Variants in TLK1 observed in about 807,000 individuals in gnomAD.
The protein encoded by TLK1 is serine/threonine-protein kinase tousled-like 1.
A neutral mutation model predicts 105.3 loss-of-function variants in TLK1; 24 were observed. That is an observed-to-expected ratio of 0.23 (90% CI 0.17 to 0.32). TLK1 has a LOEUF of 0.32. Ranked by LOEUF, TLK1 falls within the 10% of genes least tolerant of loss-of-function variation. The pLI is 1.00. For synonymous variants in TLK1, 321 were observed against 310.4 expected (o/e 1.03, Z -0.36); for missense variants, 558 against 910.5 (o/e 0.61, Z 4.98).
intron 1 of TLK1, among the ~76,000 whole-genome samples, chr2:171,134,498 G>C (rs1233432845): frequency 6.6e-6 from 1 of 152,106 alleles, no homozygotes; most frequent in East Asian, 1.9e-4. Context: ...TTTCTCCAGA[G>C]ATGATATATA....
At chr2:171,054,931 A>T in intron 7 of TLK1, 152 bp downstream of exon 7, 1 of 421,594 alleles carries the variant, frequency 2.4e-6, no homozygotes, top group Non-Finnish European at 4.2e-6. Context: ...TCCTTCCTAC[A>T]AATTCTGTTG....
intron 18 of TLK1, among the ~76,000 whole-genome samples, chr2:171,003,273 C>CAAAAAAAAAAAAAAAAAAAA (rs777049271): frequency 1.5e-5 from 1 of 68,506 alleles, no homozygotes; most frequent in African/African-American, 8.2e-5. Flanking sequence ...GACTCCGTCT[C>CAAAAAAAAAAAAAAAAAAAA]AAAAAAAAAA....
chr2:171,140,534 C>G (rs932191860), intron 1 of TLK1, among the ~76,000 whole-genome samples: 1 of 152,156 alleles, frequency 6.6e-6, no homozygotes, highest in African/African-American at 2.4e-5. Context: ...TGAGCCTCCC[C>G]CAAACTCTGG....
upstream of TLK1, among the ~76,000 whole-genome samples, chr2:171,163,872 C>T (rs1692559454): frequency 6.6e-6 from 1 of 151,996 alleles, no homozygotes; most frequent in African/African-American, 2.4e-5. Flanking sequence ...ACTGCAGATG[C>T]CTATCACAAT....
intron 1 of TLK1, among the ~76,000 whole-genome samples, chr2:171,197,288 A>G (rs573589356): frequency 4.1e-4 from 62 of 152,338 alleles, no homozygotes; most frequent in African/African-American, 1.5e-3. Context: ...TTATTTAAAA[A>G]TGAGAGAGAA....
chr2:171,043,284 TAACTAC>T lies in TLK1; in HGVS notation c.1169+2884_1169+2889del, dbSNP rs1302714346. Among the ~76,000 whole-genome samples the T allele has an allele frequency of 2.0e-5, 3 of 152,308 alleles. No homozygotes were observed. The East Asian group carries it at 5.8e-4, about 29-fold the overall frequency. ...AAGAAAAGCTTCCAGGAGGAAGCGATAACTACCGTGGGACTTAACAGATTAACAGAA... is the reference window on the plus strand; with the variant it reads ...AAGAAAAGCTTCCAGGAGGAAGCGATCGTGGGACTTAACAGATTAACAGAA... On this transcript the variant is annotated intron_variant, in intron 11 of 20. Coordinates refer to ENST00000431350, the MANE Select transcript of TLK1 (RefSeq NM_012290.5).
At chr2:171,017,461 G>C (rs1277077950) in intron 12 of TLK1, among the ~76,000 whole-genome samples, 1 of 152,130 alleles carries the variant, frequency 6.6e-6, no homozygotes, top group African/African-American at 2.4e-5. Flanking sequence ...TTGTGGCATG[G>C]GGAGACTATT....
intron 1 of TLK1, among the ~76,000 whole-genome samples, chr2:171,147,185 T>C (rs1387713156): frequency 6.6e-6 from 1 of 152,226 alleles, no homozygotes; most frequent in African/African-American, 2.4e-5. Context: ...ATCATATTTA[T>C]CTTTGTTTCC....
intron 1 of TLK1, among the ~76,000 whole-genome samples, chr2:171,198,241 T>G (rs1693313857): frequency 6.6e-6 from 1 of 152,190 alleles, no homozygotes; most frequent in African/African-American, 2.4e-5. Flanking sequence ...AAATACATTA[T>G]AAATGTATTT....
Position 171,076,666 on chromosome 2 carries a change from G to A in TLK1, c.330+6115C>T, listed in dbSNP as rs566905821. Among the ~76,000 whole-genome samples the A allele has an allele frequency of 1.1e-3, 162 of 151,164 alleles. 1 individual carries two copies. The highest frequency in any genetic ancestry group is 2.0e-3 in the Non-Finnish European group (133 of 67,876). On this transcript the variant is annotated intron_variant, in intron 3 of 20. Transcript: ENST00000431350. The stretch of plus-strand genomic sequence containing the variant: ...TGTAACCTCAGCACTTTGGGAGGCC[G>A]AGGCGGGCGGATCACAAGGTCAGGA...
chr2:171,018,780 A>C (rs2105378413), intron 12 of TLK1, among the ~76,000 whole-genome samples: 2 of 152,332 alleles, frequency 1.3e-5, no homozygotes. Context: ...AGCAGAGAAA[A>C]TCTAAAAGAA....
At chr2:171,193,922 G>C (rs1276396892) in intron 1 of TLK1, among the ~76,000 whole-genome samples, 1 of 151,474 alleles carries the variant, frequency 6.6e-6, no homozygotes, top group Non-Finnish European at 1.5e-5. Context: ...GTTTCACCAC[G>C]TTGGCCAGGC....
intron 12 of TLK1, among the ~76,000 whole-genome samples, chr2:171,025,134 A>G (rs1685713717): frequency 6.6e-6 from 1 of 152,170 alleles, no homozygotes; most frequent in Non-Finnish European, 1.5e-5. Flanking sequence ...TCTATCACAC[A>G]TTGGATAATA....
At chr2:171,082,289 A>C (rs893222314) in intron 3 of TLK1, among the ~76,000 whole-genome samples, 5 of 152,048 alleles carry the variant, frequency 3.3e-5, no homozygotes, top group African/African-American at 1.2e-4. Context: ...AGGGGGAGGG[A>C]TTAAGAGGGG....
Position 171,069,529 on chromosome 2 carries a change from C to G in TLK1, c.331-8373G>C, listed in dbSNP as rs144264286. On this transcript the variant is annotated intron_variant, in intron 3 of 20. Coordinates refer to ENST00000431350, the MANE Select transcript of TLK1 (RefSeq NM_012290.5). ...AACAAGGCTGTAGATATCTAATGTACAGAGGCAGAGATGCTGCTAAACATC... is the reference window on the plus strand; with the variant it reads ...AACAAGGCTGTAGATATCTAATGTAGAGAGGCAGAGATGCTGCTAAACATC... Among the ~76,000 whole-genome samples, 622 of 152,276 alleles carry G rather than the reference C, an allele frequency of 4.1e-3. 3 individuals are homozygous for G. Among genetic ancestry groups the G allele is most frequent in the African/African-American group, 0.014 (594 of 41,552 alleles).
At chr2:171,019,407 T>C (rs952036455) in intron 12 of TLK1, among the ~76,000 whole-genome samples, 3 of 152,326 alleles carry the variant, frequency 2.0e-5, no homozygotes, top group South Asian at 4.1e-4. Flanking sequence ...TTTCTCATAA[T>C]GGCATTTTTT....
rs1367872245 is a variant in TLK1, at chr2:170,992,963, T to TGTCA, written c.*813_*816dup. On this transcript the variant is annotated 3_prime_UTR_variant, in exon 21 of 21. Coordinates refer to ENST00000431350, the MANE Select transcript of TLK1 (RefSeq NM_012290.5). ...AACTGGTCTGCATTTGGTTACTCAC[T>TGTCA]GTCACCTGTTTTGATGAACAAGGCC... 1 of 152,640 alleles carries TGTCA rather than the reference T, an allele frequency of 6.6e-6. No individual in the cohort carries two copies. The highest frequency in any genetic ancestry group is 2.4e-5 in the African/African-American group (1 of 41,456). The allele number at this position is 152,640 out of a possible 1,614,324, so 9.5% of individuals were successfully genotyped here.
intron 1 of TLK1, among the ~76,000 whole-genome samples, chr2:171,123,216 A>C (rs1035749416): frequency 6.6e-6 from 1 of 152,098 alleles, no homozygotes; most frequent in African/African-American, 2.4e-5. Context: ...TTTTGTTTTG[A>C]GACGGAGTCT....
At chr2:171,087,733 CAT>C (rs1339825413) in intron 2 of TLK1, among the ~76,000 whole-genome samples, 3 of 152,112 alleles carry the variant, frequency 2.0e-5, no homozygotes, top group South Asian at 2.1e-4. Context: ...AGAAAGTACA[CAT>C]GAGAACAAAA....
Sources: allele counts gnomAD v4.1 joint callset (sites outside exome capture counted in the v4.1 genomes callset), GRCh38; gene constraint gnomAD v4.1.1; transcripts MANE v1.5; gene names NCBI Gene and HGNC (gene_info 2026-07-23, HGNC 2026-07-21).